MOGAT3: variants seen among roughly 807,000 people sequenced by gnomAD.
MOGAT3 encodes the protein monoacylglycerol O-acyltransferase 3, also known as 2-acylglycerol O-acyltransferase 3.
In MOGAT3, 39 loss-of-function variants were observed where a neutral mutation model predicts 34.4. The ratio of observed to expected loss-of-function variants is 1.13; its 90% CI spans 0.88 to 1.48. The LOEUF (loss-of-function observed/expected upper bound fraction) is 1.48. MOGAT3 is among the 40% of genes most tolerant of loss of function. The pLI is 0.00. For missense variants in MOGAT3, 439 were observed against 438.9 expected (o/e 1.00, Z 0.00); for synonymous variants, 209 against 179.2 (o/e 1.17, Z -1.33).
In MOGAT3 at chr7:101,197,988, G is replaced by A. The variant is rs149968166; in HGVS notation, c.668+203C>T. Among the ~76,000 whole-genome samples, 936 of 152,344 alleles carry A rather than the reference G, an allele frequency of 6.1e-3. 11 individuals carry two copies. The highest frequency in any genetic ancestry group is 0.021 in the African/African-American group (879 of 41,588). ...ATTTGCATTATGGTCCTGTCTCCAC[G>A]GATGTGGGAGGGAGCTTAGGGTAAG... On this transcript the variant is annotated intron_variant, in intron 5 of 6. Transcript: ENST00000223114.
At chr7:101,193,830 A>G (rs1418045768), downstream of MOGAT3, among the ~76,000 whole-genome samples, 1 of 152,242 alleles carries the variant, frequency 6.6e-6, no homozygotes, top group African/African-American at 2.4e-5. Context: ...CATGCAATAA[A>G]GGGAAAATTC....
chr7:101,196,477 A>G, intron 5 of MOGAT3, 88 bp from the exon 6 acceptor site: 1 of 854,824 alleles, frequency 1.2e-6, no homozygotes, highest in East Asian at 2.5e-5. Flanking sequence ...CCTTCCCACT[A>G]CGTCCAGATG....
downstream of MOGAT3, chr7:101,194,966 C>T (rs764431059): frequency 2.0e-5 from 3 of 152,412 alleles, no homozygotes; most frequent in Non-Finnish European, 4.4e-5. Context: ...TGCCTCTCCA[C>T]GCATCCTCCC....
intron 5 of MOGAT3, among the ~76,000 whole-genome samples, 187 bp downstream of exon 5, chr7:101,198,004 T>TAGGGTGGGAGGGAGCC (rs1797840696): frequency 6.6e-6 from 1 of 152,242 alleles, no homozygotes; most frequent in Admixed American, 6.5e-5. Flanking sequence ...GGGAGGGAGC[T>TAGGGTGGGAGGGAGCC]TAGGGTAAGC....
intron 5 of MOGAT3, among the ~76,000 whole-genome samples, chr7:101,196,867 T>G (rs1275943548): frequency 6.6e-6 from 1 of 151,782 alleles, no homozygotes; most frequent in East Asian, 1.9e-4. Flanking sequence ...AGACTTTGTC[T>G]CAAAAAATAA....
intron 5 of MOGAT3, among the ~76,000 whole-genome samples, chr7:101,197,397 A>C (rs1425783666): frequency 6.6e-6 from 1 of 152,010 alleles, no homozygotes; most frequent in East Asian, 2.0e-4. Context: ...TATGTTGCCC[A>C]GGCTGGTCTT....
downstream of MOGAT3, among the ~76,000 whole-genome samples, chr7:101,193,423 T>C (rs1797719016): frequency 6.6e-6 from 1 of 152,030 alleles, no homozygotes; most frequent in African/African-American, 2.4e-5. Flanking sequence ...GCTGATTTAT[T>C]TTTATTTTTA....
intron 5 of MOGAT3, 39 bp downstream of exon 5, chr7:101,198,152 A>G (rs891044534): frequency 6.4e-7 from 1 of 1,574,222 alleles, no homozygotes; most frequent in Non-Finnish European, 8.6e-7. Flanking sequence ...GGCATAAACC[A>G]GCAGAGAACT....
In MOGAT3 at chr7:101,200,284, T is replaced by C. The variant is rs1415039610; in HGVS notation, c.238A>G (p.Ile80Val). ...TGTCTCCAAATTGCCCGGTTCCTTA[T>C]CCACTCCGAACGCCTTCCACCTGCG... ...PNQGGRRSEW[I>V]RNRAIWRQLR... The change falls in exon 3 of 7, where the codon ATA (isoleucine) becomes GTA (valine). Residue 80 changes from isoleucine to valine, a missense_variant. Physicochemically the swap from Ile to Val is conservative, Grantham distance 29 (BLOSUM62 3). Coordinates refer to ENST00000223114, the MANE Select transcript of MOGAT3 (RefSeq NM_178176.4). The C allele has an allele frequency of 3.7e-6, 6 of 1,613,926 alleles. No individual in the cohort carries two copies. The highest frequency in any genetic ancestry group is 1.3e-5 in the African/African-American group (1 of 74,874).
chr7:101,199,382 A>C (rs1002675830), intron 3 of MOGAT3, among the ~76,000 whole-genome samples: 28 of 151,088 alleles, frequency 1.9e-4, no homozygotes, highest in Non-Finnish European at 2.8e-4. Flanking sequence ...GCATCATCTC[A>C]GCTCACCACA....
Position 101,195,909 on chromosome 7 carries a change from T to C in MOGAT3, c.*37A>G. 1 of 1,612,286 alleles carries C rather than the reference T, an allele frequency of 6.2e-7. No individual in the cohort carries two copies. The highest frequency in any genetic ancestry group is 8.5e-7 in the Non-Finnish European group (1 of 1,179,020). On this transcript the variant is annotated 3_prime_UTR_variant, in exon 7 of 7. Coordinates refer to ENST00000223114, the MANE Select transcript of MOGAT3 (RefSeq NM_178176.4). ...CACAGTGGGTGGAGGTCTCAGTGCC[T>C]TGGGCTCAGGGGCTCAGCGAAAGGC... is the stretch of plus-strand genomic sequence containing the variant.
In MOGAT3 at chr7:101,195,903, A is replaced by G. The variant is rs745380966; in HGVS notation, c.*43T>C. The G allele has an allele frequency of 1.4e-5, 22 of 1,608,128 alleles. No individual in the cohort carries two copies. The highest frequency in any genetic ancestry group is 1.8e-5 in the Non-Finnish European group (21 of 1,175,624). Reference sequence around the variant, plus strand: ...GGAGTCCACAGTGGGTGGAGGTCTCAGTGCCTTGGGCTCAGGGGCTCAGCG... The same window carrying G: ...GGAGTCCACAGTGGGTGGAGGTCTCGGTGCCTTGGGCTCAGGGGCTCAGCG... On this transcript the variant is annotated 3_prime_UTR_variant, in exon 7 of 7. Transcript: ENST00000223114.
rs919057720 is a variant in MOGAT3 at position 101,201,014 on chromosome 7, T to C, written c.-160A>G. ...CCAGAGTAGCGTGTGTCCGTAGGTG[T>C]GTGAGTGGGGAGATCTTTGGATCCA... On this transcript the variant is annotated 5_prime_UTR_variant, in exon 1 of 7. Coordinates refer to ENST00000223114, the MANE Select transcript of MOGAT3 (RefSeq NM_178176.4). 4 of 576,294 alleles carry C rather than the reference T, an allele frequency of 6.9e-6. No individual in the cohort carries two copies. Among genetic ancestry groups the C allele is most frequent in the Admixed American group, 6.3e-5 (2 of 31,596 alleles). The allele number at this position is 576,294 out of a possible 1,614,324, so 35.7% of individuals were successfully genotyped here. A position where few individuals can be genotyped will look rare whatever the true frequency, so the allele number is the denominator to read the frequency against.
chr7:101,198,917 G>T, intron 3 of MOGAT3, 87 bp from the exon 4 acceptor site: 2 of 1,229,112 alleles, frequency 1.6e-6, no homozygotes, highest in South Asian at 1.3e-5. Context: ...AGAGTTCCGA[G>T]TTAAAGGTTC....
chr7:101,196,680 C>A (rs2116764156), intron 5 of MOGAT3, among the ~76,000 whole-genome samples: 1 of 152,192 alleles, frequency 6.6e-6, no homozygotes, highest in Non-Finnish European at 1.5e-5. Flanking sequence ...ACCAGCCTGG[C>A]CAACATGGTG....
chr7:101,199,241 C>T (rs1376051360), intron 3 of MOGAT3, among the ~76,000 whole-genome samples: 2 of 152,004 alleles, frequency 1.3e-5, no homozygotes, highest in Non-Finnish European at 1.5e-5. Flanking sequence ...CTCCTGACCT[C>T]GTGATCTGCC....
chr7:101,193,747 C>T (rs1221337907), downstream of MOGAT3, among the ~76,000 whole-genome samples: 1 of 152,048 alleles, frequency 6.6e-6, no homozygotes, highest in African/African-American at 2.4e-5. Flanking sequence ...CATTTCTATG[C>T]TCCAACTTAA....
Position 101,200,909 on chromosome 7 carries a change from A to C in MOGAT3, c.-55T>G. 1.4e-6 allele frequency: 2 copies of C among 1,458,170 alleles called. No individual in the cohort carries two copies. The highest frequency in any genetic ancestry group is 1.9e-6 in the Non-Finnish European group (2 of 1,057,234). The allele number at this position is 1,458,170 out of a possible 1,614,324, so 90.3% of individuals were successfully genotyped here. On this transcript the variant is annotated 5_prime_UTR_variant, in exon 1 of 7. Transcript: ENST00000223114. Reference sequence around the variant, plus strand: ...CCAGAACCCGGAGGACAAACGATGAAGGCTTGGATGTGGACCTGGGCAGAC... The same window carrying C: ...CCAGAACCCGGAGGACAAACGATGACGGCTTGGATGTGGACCTGGGCAGAC...
chr7:101,198,544 T>C, intron 4 of MOGAT3, 82 bp downstream of exon 4: 1 of 1,371,944 alleles, frequency 7.3e-7, no homozygotes. Context: ...GGGGACTTAT[T>C]ATGGGGGGGG....
Sources: allele counts gnomAD v4.1 joint callset (sites outside exome capture counted in the v4.1 genomes callset), GRCh38; gene constraint gnomAD v4.1.1; transcripts MANE v1.5; gene names NCBI Gene and HGNC (gene_info 2026-07-23, HGNC 2026-07-21).